ENDOD1: variants seen among roughly 807,000 people sequenced by gnomAD.
ENDOD1 encodes the protein endonuclease domain containing 1.
A neutral mutation model predicts 6.5 loss-of-function variants in ENDOD1; 9 were observed. The ratio of observed to expected loss-of-function variants is 1.39; its 90% CI spans 0.84 to 2.43. The LOEUF is 2.43. ENDOD1 is among the 30% of genes most tolerant of loss of function. The probability of loss-of-function intolerance (pLI) is 0.00; values close to 1 mark genes in which losing one functional copy is unlikely to be tolerated. For synonymous variants in ENDOD1, 255 were observed against 255.2 expected (o/e 1.00, Z 0.01); for missense variants, 648 against 635.5 (o/e 1.02, Z -0.21).
At chr11:95,109,421 G>C (rs1555111703) in intron 1 of ENDOD1, among the ~76,000 whole-genome samples, 1 of 152,258 alleles carries the variant, frequency 6.6e-6, no homozygotes, top group African/African-American at 2.4e-5. Context: ...ATGTGCATCA[G>C]AAGATTGTTG....
In ENDOD1 at chr11:95,128,951, A is replaced by G; in HGVS notation, c.875A>G (p.Glu292Gly). 6.2e-7 allele frequency: 1 copy of G among 1,614,150 alleles called. No individual in the cohort carries two copies. Among genetic ancestry groups the G allele is most frequent in the Non-Finnish European group, 8.5e-7 (1 of 1,180,024 alleles). Residue 292 changes from glutamate (E) to glycine (G), a missense_variant, in exon 2 of 2, where the codon GAA becomes GGA. Transcript: ENST00000278505. ...ILEVVNQIQD[E>G]ERMVQSQKSS... Reference sequence around the variant, plus strand: ...GAAGTGGTTAACCAAATCCAGGATGAAGAACGAATGGTACAATCTCAAAAG... The same window carrying G: ...GAAGTGGTTAACCAAATCCAGGATGGAGAACGAATGGTACAATCTCAAAAG...
intron 1 of ENDOD1, among the ~76,000 whole-genome samples, chr11:95,107,533 G>A (rs1373100594): frequency 6.6e-6 from 1 of 152,118 alleles, no homozygotes; most frequent in East Asian, 1.9e-4. Flanking sequence ...AAGAATAATT[G>A]CTCTGGAAAG....
chr11:95,118,554 T>A (rs1408578465), intron 1 of ENDOD1, among the ~76,000 whole-genome samples: 5 of 152,182 alleles, frequency 3.3e-5, no homozygotes, highest in African/African-American at 1.2e-4. Context: ...TCCATTGTAT[T>A]TTATATGTTT....
At chr11:95,128,297 A>G in intron 1 of ENDOD1, 80 bp from the exon 2 acceptor site, 2 of 1,509,526 alleles carry the variant, frequency 1.3e-6, no homozygotes, top group Non-Finnish European at 1.8e-6. Context: ...GGACTTCTCC[A>G]GAGTCTGGGC....
In ENDOD1 at chr11:95,130,708, A is replaced by G. The variant is rs928934700; in HGVS notation, c.*1129A>G. On this transcript the variant is annotated 3_prime_UTR_variant, in exon 2 of 2. Transcript: ENST00000278505. ...ATATAAAATATTTAAGAATAATTAT[A>G]TCTTAGGAAATTATTTTTACAGTGT... 6.6e-6 allele frequency: 1 copy of G among 152,206 alleles called. No homozygotes were observed. Among genetic ancestry groups the G allele is most frequent in the Non-Finnish European group, 1.5e-5 (1 of 68,032 alleles). The allele number at this position is 152,206 out of a possible 1,614,324, so 9.4% of individuals were successfully genotyped here.
chr11:95,121,794 C>T (rs1859263860), intron 1 of ENDOD1, among the ~76,000 whole-genome samples: 1 of 152,154 alleles, frequency 6.6e-6, no homozygotes, highest in African/African-American at 2.4e-5. Context: ...GAAGACAGCT[C>T]ATTTTTCTAA....
At chr11:95,090,331 C>T (rs1858917152) in intron 1 of ENDOD1, 104 bp downstream of exon 1, 1 of 1,316,224 alleles carries the variant, frequency 7.6e-7, no homozygotes, top group Non-Finnish European at 9.7e-7. Flanking sequence ...GAACAGCAAT[C>T]CCTACGCCTT....
intron 1 of ENDOD1, among the ~76,000 whole-genome samples, chr11:95,092,605 C>T (rs1190535895): frequency 6.6e-6 from 1 of 152,174 alleles, no homozygotes; most frequent in East Asian, 1.9e-4. Context: ...TGTGGCTGAG[C>T]ACTGCAGGAT....
At chr11:95,091,902 A>C (rs1858935104) in intron 1 of ENDOD1, among the ~76,000 whole-genome samples, 2 of 152,122 alleles carry the variant, frequency 1.3e-5, no homozygotes, top group Admixed American at 6.5e-5. Context: ...GTTAAATTGG[A>C]GATAATAGCA....
rs1859346076 is a variant in ENDOD1, at chr11:95,129,290, T to C, written c.1214T>C (p.Val405Ala). ...VSIPWKVLKV[V>A]AKVIRALLRI... ...ATTCCCTGGAAGGTGCTCAAGGTCG[T>C]GGCCAAAGTCATCAGGGCTCTCCTC... The change falls in exon 2 of 2, where the codon GTG (valine) becomes GCG (alanine). Residue 405 changes from valine to alanine, a missense_variant. Physicochemically the swap from Val to Ala is moderately conservative, Grantham distance 64. Coordinates refer to ENST00000278505, the MANE Select transcript of ENDOD1 (RefSeq NM_015036.3). 1 of 1,614,188 alleles carries C rather than the reference T, an allele frequency of 6.2e-7. No homozygotes were observed. The highest frequency in any genetic ancestry group is 1.6e-4 in the Middle Eastern group (1 of 6,062).
At chr11:95,103,864 T>A (rs1859065145) in intron 1 of ENDOD1, among the ~76,000 whole-genome samples, 1 of 152,230 alleles carries the variant, frequency 6.6e-6, no homozygotes, top group African/African-American at 2.4e-5. Flanking sequence ...TTAAGCATGT[T>A]GAATGAATAA....
intron 1 of ENDOD1, among the ~76,000 whole-genome samples, chr11:95,102,424 C>G (rs1859049610): frequency 6.7e-6 from 1 of 149,586 alleles, no homozygotes; most frequent in Admixed American, 6.6e-5. Context: ...GTAATCCCAG[C>G]ACTTTGGGAG....
chr11:95,101,944 T>C (rs1218693394), intron 1 of ENDOD1, among the ~76,000 whole-genome samples: 2 of 152,226 alleles, frequency 1.3e-5, no homozygotes, highest in Non-Finnish European at 2.9e-5. Context: ...ATTTTTTTTC[T>C]TCCACAGACA....
intron 1 of ENDOD1, among the ~76,000 whole-genome samples, chr11:95,126,063 G>T (rs1010109692): frequency 6.6e-6 from 1 of 152,204 alleles, no homozygotes; most frequent in Non-Finnish European, 1.5e-5. Context: ...CAGGTGAAGA[G>T]TACCCAGGAT....
chr11:95,116,302 A>G (rs1315980089), intron 1 of ENDOD1, among the ~76,000 whole-genome samples: 1 of 152,158 alleles, frequency 6.6e-6, no homozygotes, highest in African/African-American at 2.4e-5. Flanking sequence ...AGCCACTCAT[A>G]GTAGATATTT....
chr11:95,108,494 A>ACACACACACACAC (rs1859113769), intron 1 of ENDOD1, among the ~76,000 whole-genome samples: 5 of 146,408 alleles, frequency 3.4e-5, no homozygotes, highest in African/African-American at 1.3e-4. Context: ...CTCTTTTCTA[A>ACACACACACACAC]ACACACACAC....
intron 1 of ENDOD1, among the ~76,000 whole-genome samples, chr11:95,112,968 G>T (rs1555112096): frequency 6.6e-6 from 1 of 151,804 alleles, no homozygotes; most frequent in African/African-American, 2.4e-5. Flanking sequence ...TCCTAAGTTG[G>T]CACGTGGTCC....
At chr11:95,093,333 C>G (rs528264341) in intron 1 of ENDOD1, among the ~76,000 whole-genome samples, 1 of 152,306 alleles carries the variant, frequency 6.6e-6, no homozygotes, top group Admixed American at 6.5e-5. Flanking sequence ...TTTCTTAGCT[C>G]ATGCTGATTC....
chr11:95,118,692 T>C (rs1754796498), intron 1 of ENDOD1, among the ~76,000 whole-genome samples: 1 of 152,226 alleles, frequency 6.6e-6, no homozygotes, highest in Non-Finnish European at 1.5e-5. Context: ...TGGATATTGA[T>C]GTCTTTCTCT....
Sources: gnomAD v4.1 joint callset for allele counts (sites outside exome capture counted in the v4.1 genomes callset) on GRCh38, gnomAD v4.1.1 for gene constraint, MANE v1.5 for transcripts, NCBI Gene and HGNC (gene_info 2026-07-23, HGNC 2026-07-21) for gene names.